The following STS variants were observed in gnomAD, a reference collection of about 807,000 sequenced individuals.
The protein encoded by STS is steroid sulfatase.
A neutral mutation model predicts 26.8 loss-of-function variants in STS; 7 were observed. The observed-to-expected ratio is 0.26, with a 90% CI of 0.15 to 0.49. The LOEUF (loss-of-function observed/expected upper bound fraction) is 0.49, where lower values mean the gene tolerates loss of function less well. Ranked by LOEUF, STS falls within the 20% of genes least tolerant of loss-of-function variation. STS has a pLI of 0.98. For synonymous variants in STS, 199 were observed against 189.4 expected (o/e 1.05, Z -0.42); for missense variants, 434 against 465.6 (o/e 0.93, Z 0.63).
chrX:7,186,137 G>A (rs1933768639), intron 1 of STS, among the ~76,000 whole-genome samples: 1 of 112,612 alleles, frequency 8.9e-6, no homozygotes, highest in South Asian at 3.7e-4. Context: ...TCACTTGGTA[G>A]CCAGAGCCAG....
At chrX:7,164,141 A>T (rs1307763223) in intron 1 of STS, among the ~76,000 whole-genome samples, 2 of 111,847 alleles carry the variant, frequency 1.8e-5, no homozygotes, top group African/African-American at 6.5e-5. Flanking sequence ...AAAACTGTTA[A>T]CATGGGTGAC....
intron 6 of STS, among the ~76,000 whole-genome samples, chrX:7,261,232 A>G (rs755574822): frequency 1.8e-5 from 2 of 111,516 alleles, no homozygotes; most frequent in Admixed American, 1.9e-4. Flanking sequence ...TGAGAGATGT[A>G]AAAGAGAGTT....
At chrX:7,324,217 C>G (rs1451317614) in intron 8 of STS, among the ~76,000 whole-genome samples, 2 of 110,699 alleles carry the variant, frequency 1.8e-5, no homozygotes, top group Non-Finnish European at 3.8e-5. Context: ...CAAAGAATTT[C>G]TGATTGGCAG....
At chrX:7,169,740 A>G (rs1375879928) in intron 1 of STS, among the ~76,000 whole-genome samples, 2 of 112,183 alleles carry the variant, frequency 1.8e-5, no homozygotes, top group African/African-American at 6.5e-5. Flanking sequence ...GGTTTGGCTT[A>G]GGAAGGTGCA....
intron 7 of STS, among the ~76,000 whole-genome samples, chrX:7,285,718 C>G (rs769113092): frequency 8.9e-6 from 1 of 112,121 alleles, no homozygotes; most frequent in South Asian, 3.7e-4. Context: ...TGAAAGAGAT[C>G]AGCTCTTTTT....
At chrX:7,234,118 C>CT (rs1322031623) in intron 2 of STS, among the ~76,000 whole-genome samples, 1 of 111,869 alleles carries the variant, frequency 8.9e-6, no homozygotes, top group East Asian at 2.8e-4. Flanking sequence ...AACATAACCC[C>CT]TGGTTACCAA....
chrX:7,180,778 AATTCCC>A (rs1235302275), intron 1 of STS, among the ~76,000 whole-genome samples: 1 of 112,308 alleles, frequency 8.9e-6, no homozygotes, highest in Non-Finnish European at 1.9e-5. Context: ...AAGCTCCATA[AATTCCC>A]CCAGCTACCC....
chrX:7,311,467 C>T (rs181535874), intron 8 of STS, among the ~76,000 whole-genome samples: 1 of 111,533 alleles, frequency 9.0e-6, no homozygotes, highest in African/African-American at 3.3e-5. Context: ...TGTTGTTCTG[C>T]CATTAATTCT....
At chrX:7,308,428 C>T (rs1926317388) in intron 8 of STS, among the ~76,000 whole-genome samples, 1 of 111,458 alleles carries the variant, frequency 9.0e-6, no homozygotes, top group Non-Finnish European at 1.9e-5. Flanking sequence ...GACTGACAAT[C>T]CCGGGGAAGT....
At chrX:7,308,673 C>T (rs1926333250) in intron 8 of STS, among the ~76,000 whole-genome samples, 1 of 111,600 alleles carries the variant, frequency 9.0e-6, no homozygotes, top group Non-Finnish European at 1.9e-5. Context: ...GCTGGAGAGA[C>T]CATGAATGTG....
chrX:7,230,143 C>A (rs1465838998), intron 2 of STS, among the ~76,000 whole-genome samples: 1 of 110,874 alleles, frequency 9.0e-6, no homozygotes, highest in African/African-American at 3.3e-5. Context: ...TCGCTTTGGC[C>A]CCCCAAAGTG....
chrX:7,209,871 C>T (rs974962383), intron 2 of STS, among the ~76,000 whole-genome samples: 12 of 110,607 alleles, frequency 1.1e-4, no homozygotes, highest in South Asian at 7.7e-4. Flanking sequence ...TGAGAACATG[C>T]GGTGTTTGGT....
intron 2 of STS, among the ~76,000 whole-genome samples, chrX:7,221,584 G>C (rs1163880243): frequency 8.9e-6 from 1 of 111,905 alleles, no homozygotes; most frequent in Non-Finnish European, 1.9e-5. Flanking sequence ...CGTTCCCAGA[G>C]AGCTCAAGAT....
At chrX:7,194,923 A>G (rs1054190072) in intron 2 of STS, among the ~76,000 whole-genome samples, 4 of 111,493 alleles carry the variant, frequency 3.6e-5, no homozygotes, top group Non-Finnish European at 5.6e-5. Context: ...TATTGCTCCT[A>G]CACTAAAAAC....
At chrX:7,250,381 A>T (rs1472794720) in intron 2 of STS, among the ~76,000 whole-genome samples, 1 of 109,241 alleles carries the variant, frequency 9.2e-6, no homozygotes, top group African/African-American at 3.3e-5. Context: ...TTGTATAAAG[A>T]CCATAGTCTT....
At chrX:7,246,159 ACAT>A (rs1922858273) in intron 2 of STS, among the ~76,000 whole-genome samples, 2 of 112,193 alleles carry the variant, frequency 1.8e-5, no homozygotes, top group African/African-American at 6.5e-5. Context: ...GTTAGAGCAC[ACAT>A]CATCTTGAGC....
chrX:7,259,635 C>G lies in STS; in HGVS notation c.669C>G (p.Thr223=), dbSNP rs766523357. The G allele has an allele frequency of 1.7e-6, 2 of 1,211,158 alleles. No individual in the cohort carries two copies. Among genetic ancestry groups the G allele is most frequent in the Non-Finnish European group, 2.2e-6 (2 of 895,352 alleles). Residue 223 remains threonine (T), a synonymous_variant, in exon 6 of 11, where the codon ACC becomes ACG. Coordinates refer to ENST00000674429, the MANE Select transcript of STS (RefSeq NM_001320752.2). ...TCTTCCTAGCAGCCCTAATCCTGACCCTTTTCTTGGGCTTCCTTCATTACT... is the reference window on the plus strand; with the variant it reads ...TCTTCCTAGCAGCCCTAATCCTGACGCTTTTCTTGGGCTTCCTTCATTACT... ...SLLFLAALIL[T]LFLGFLHYFR... is the part of the protein sequence containing the mutation.
chrX:7,284,249 C>T lies in STS; in HGVS notation c.943+8162C>T, dbSNP rs922743398. Among the ~76,000 whole-genome samples the T allele has an allele frequency of 5.6e-4, 63 of 111,738 alleles. 1 individual carries two copies. Among genetic ancestry groups the T allele is most frequent in the Non-Finnish European group, 4.0e-4 (21 of 53,125 alleles). ...ATTGAGGCTTGAAAATTATTTCAAT[C>T]GTTGGTTACCTGCCAACGTTTCAGG... On this transcript the variant is annotated intron_variant, in intron 7 of 10. Transcript: ENST00000674429.
chrX:7,322,559 C>G (rs137856724), intron 8 of STS, among the ~76,000 whole-genome samples: 2,448 of 111,680 alleles, frequency 0.022, 31 homozygotes, highest in Middle Eastern at 0.055. Context: ...CGCCACCACG[C>G]CTGGCTAATT....
Sources: gnomAD v4.1 joint callset for allele counts (sites outside exome capture counted in the v4.1 genomes callset) on GRCh38, gnomAD v4.1.1 for gene constraint, MANE v1.5 for transcripts, NCBI Gene and HGNC (gene_info 2026-07-23, HGNC 2026-07-21) for gene names.